The following ABCC3 variants were observed in gnomAD, a reference collection of about 807,000 sequenced individuals.
ABCC3 encodes the protein ATP binding cassette subfamily C member 3, also known as ATP-binding cassette sub-family C member 3.
In ABCC3, 121 loss-of-function variants were observed where a neutral mutation model predicts 165.3. The ratio of observed to expected loss-of-function variants is 0.73; its 90% CI spans 0.63 to 0.85. The LOEUF is 0.85. Ranked by LOEUF, ABCC3 falls within the 40% of genes least tolerant of loss-of-function variation. The pLI, the probability that ABCC3 is intolerant of heterozygous loss-of-function variation, is 0.00. For synonymous variants in ABCC3, 733 were observed against 810.1 expected, an observed-to-expected ratio of 0.90 and a Z score of 1.62; for missense variants, 1,869 against 1,964.1, an observed-to-expected ratio of 0.95 and a Z score of 0.92.
At chr17:50,660,763 C>T (rs1328009464) in intron 7 of ABCC3, among the ~76,000 whole-genome samples, 160 bp from the exon 8 acceptor site, 3 of 152,152 alleles carry the variant, frequency 2.0e-5, no homozygotes, top group Middle Eastern at 3.2e-3. Flanking sequence ...AGGACAGAGT[C>T]GCTTGTGCAA....
chr17:50,652,446 A>AT (rs1189435524), intron 1 of ABCC3, among the ~76,000 whole-genome samples: 5 of 152,190 alleles, frequency 3.3e-5, no homozygotes, highest in South Asian at 2.1e-4. Context: ...TAAAGAGGCA[A>AT]TTTTTTATTC....
In ABCC3 at chr17:50,683,644, A is replaced by G. The variant is rs761899620; in HGVS notation, c.3842A>G (p.Glu1281Gly). 2.5e-6 allele frequency: 4 copies of G among 1,596,092 alleles called. No homozygotes were observed. The South Asian group carries it at 4.5e-5, about 18-fold the overall frequency. The change falls in exon 27 of 31, where the codon GAA becomes GGA. Residue 1281 changes from glutamate to glycine, a missense_variant. By Grantham distance (98) the Glu-to-Gly change is moderately conservative. Coordinates refer to ENST00000285238, the MANE Select transcript of ABCC3 (RefSeq NM_003786.4). ...GTGGTGGAAGGCAGCCGCCCTCCCG[A>G]AGGTTGGCCCCCACGTGGGGAGGTG... ...PWVVEGSRPP[E>G]GWPPRGEVEF...
At chr17:50,678,353 G>GA (rs149215649) in intron 25 of ABCC3, 134 bp downstream of exon 25, 71,620 of 593,014 alleles carry the variant, frequency 0.12, no homozygotes, top group Middle Eastern at 0.15. Context: ...AGGACTGTGA[G>GA]AAAAAAAAAA....
intron 6 of ABCC3, 72 bp from the exon 7 acceptor site, chr17:50,659,165 C>G: frequency 1.9e-6 from 3 of 1,575,666 alleles, no homozygotes; most frequent in Non-Finnish European, 2.6e-6. Flanking sequence ...CCTGGAGACA[C>G]TGACCCTTGG....
intron 1 of ABCC3, among the ~76,000 whole-genome samples, chr17:50,637,443 T>C (rs1178258086): frequency 6.6e-6 from 1 of 152,180 alleles, no homozygotes; most frequent in African/African-American, 2.4e-5. Context: ...CTCATTTGCA[T>C]GGTGTATTAT....
rs1967681969 is a variant in ABCC3 at position 50,673,059 on chromosome 17, C to T, written c.2330C>T (p.Pro777Leu). Residue 777 changes from proline (P) to leucine (L), a missense_variant, in exon 18 of 31, where the codon CCA becomes CTA. Physicochemically the swap from Pro to Leu is moderately conservative, Grantham distance 98. Transcript: ENST00000285238. ...GCCGATATTTTCTTGCTGGATGACC[C>T]ACTGTCCGCGGTGGACTCTCATGTG... ...SDADIFLLDD[P>L]LSAVDSHVAK... 2.5e-6 allele frequency: 4 copies of T among 1,614,020 alleles called. No individual in the cohort carries two copies. The South Asian group carries it at 3.3e-5, about 13-fold the overall frequency.
rs1597843058 is a variant in ABCC3 at position 50,651,634 on chromosome 17, A to G, written c.46-4198A>G. Among the ~76,000 whole-genome samples the G allele has an allele frequency of 2.0e-5, 3 of 152,124 alleles. No individual in the cohort carries two copies. In the South Asian group the frequency reaches 6.2e-4, roughly 31 times the overall value. Reference sequence around the variant, plus strand: ...GATACTTTGGCGGGGCTGAGGCGGGAGGATTGCTTGAGCCCAGGAGGCAGA... The same window carrying G: ...GATACTTTGGCGGGGCTGAGGCGGGGGGATTGCTTGAGCCCAGGAGGCAGA... On this transcript the variant is annotated intron_variant, in intron 1 of 30. Transcript: ENST00000285238.
intron 30 of ABCC3, among the ~76,000 whole-genome samples, chr17:50,689,260 C>A (rs1167289721): frequency 6.6e-6 from 1 of 152,230 alleles, no homozygotes; most frequent in Non-Finnish European, 1.5e-5. Context: ...CTCCCCAGCC[C>A]CTTGCTCTAA....
chr17:50,643,854 G>GC, intron 1 of ABCC3, among the ~76,000 whole-genome samples: 1 of 152,236 alleles, frequency 6.6e-6, no homozygotes, highest in East Asian at 1.9e-4. Flanking sequence ...CATGGGGGGG[G>GC]TCTTGAGGAC....
At chr17:50,639,329 C>G (rs2054206475) in intron 1 of ABCC3, among the ~76,000 whole-genome samples, 1 of 152,202 alleles carries the variant, frequency 6.6e-6, no homozygotes, top group Non-Finnish European at 1.5e-5. Context: ...TCTCCTCAAT[C>G]CTGCTGTTCC....
rs752249057 is a variant in ABCC3, at chr17:50,657,037, C to T, written c.349-9C>T. 11 of 1,612,520 alleles carry T rather than the reference C, an allele frequency of 6.8e-6. No individual in the cohort carries two copies. Among genetic ancestry groups the T allele is most frequent in the South Asian group, 1.1e-5 (1 of 90,920 alleles). On this transcript the variant is annotated splice_polypyrimidine_tract_variant and intron_variant, in intron 3 of 30. Transcript: ENST00000285238. The stretch of plus-strand genomic sequence containing the variant: ...GTTCTGCCCGGGCCTCCCTGCCCTC[C>T]CTGCACAGCTGCTGGCCACCCTGCT...
intron 26 of ABCC3, among the ~76,000 whole-genome samples, chr17:50,681,591 T>G (rs1022759292): frequency 5.9e-5 from 9 of 152,072 alleles, no homozygotes; most frequent in Admixed American, 2.0e-4. Flanking sequence ...TTCTCTGCTC[T>G]CCTCTGTCAT....
Position 50,678,235 on chromosome 17 carries a change from AC to A in ABCC3, c.3705+20del. ...CTCCTTGCAGGTATGAAGGGCCTGG[AC>A]CCCAGGGCAGGGCCACCACTGGGAC... On this transcript the variant is annotated intron_variant, in intron 25 of 30. Coordinates refer to ENST00000285238, the MANE Select transcript of ABCC3 (RefSeq NM_003786.4). 1 of 1,514,356 alleles carries A rather than the reference AC, an allele frequency of 6.6e-7. No homozygotes were observed. Among genetic ancestry groups the A allele is most frequent in the Non-Finnish European group, 8.8e-7 (1 of 1,133,300 alleles). 93.8% of individuals were successfully genotyped at this position (1,514,356 alleles called of 1,614,324 possible).
At chr17:50,655,693 G>A (rs1967224345) in intron 1 of ABCC3, 139 bp from the exon 2 acceptor site, 1 of 714,924 alleles carries the variant, frequency 1.4e-6, no homozygotes, top group Non-Finnish European at 2.3e-6. Context: ...CTGCTCATTT[G>A]TGTACTCTCT....
chr17:50,671,245 G>A (rs376833265), intron 17 of ABCC3, among the ~76,000 whole-genome samples: 1 of 149,116 alleles, frequency 6.7e-6, no homozygotes, highest in East Asian at 2.0e-4. Context: ...GGGCGACAGA[G>A]CAAGACTCTG....
At chr17:50,648,941 C>CCCA (rs150468133) in intron 1 of ABCC3, among the ~76,000 whole-genome samples, 1 of 80,876 alleles carries the variant, frequency 1.2e-5, no homozygotes, top group African/African-American at 3.5e-5. Flanking sequence ...ATGGCAAAAC[C>CCCA]CCTCTACTAA....
chr17:50,671,274 G>A (rs569776868), intron 17 of ABCC3, among the ~76,000 whole-genome samples: 8,977 of 146,968 alleles, frequency 0.061, 860 homozygotes, highest in African/African-American at 0.2. Context: ...AAAAAAAAAA[G>A]AAAAAAAAAC....
chr17:50,683,542 G>C, intron 26 of ABCC3, 68 bp from the exon 27 acceptor site: 1 of 1,462,628 alleles, frequency 6.8e-7, no homozygotes, highest in Non-Finnish European at 9.0e-7. Context: ...CCTTGGGGGA[G>C]AGAGACCGAA....
At chr17:50,639,767 C>CT (rs140428476) in intron 1 of ABCC3, among the ~76,000 whole-genome samples, 2,121 of 143,814 alleles carry the variant, frequency 0.015, 50 homozygotes, top group African/African-American at 0.049. Context: ...TGGATTTCTC[C>CT]TTTTTTTTTT....
Sources: gnomAD v4.1 joint callset for allele counts (sites outside exome capture counted in the v4.1 genomes callset) on GRCh38, gnomAD v4.1.1 for gene constraint, MANE v1.5 for transcripts, NCBI Gene and HGNC (gene_info 2026-07-23, HGNC 2026-07-21) for gene names.